Variants in SLC43A1 observed in about 807,000 individuals in gnomAD.
The protein encoded by SLC43A1 is large neutral amino acids transporter small subunit 3.
A neutral mutation model predicts 59.5 loss-of-function variants in SLC43A1; 31 were observed. That is an observed-to-expected ratio of 0.52 (90% CI 0.39 to 0.70). The LOEUF (loss-of-function observed/expected upper bound fraction) is 0.70. SLC43A1 is among the 30% of genes least tolerant of loss of function. The pLI, the probability that SLC43A1 is intolerant of heterozygous loss-of-function variation, is 0.00. For synonymous variants in SLC43A1, 259 were observed against 290.9 expected (o/e 0.89, Z 1.12); for missense variants, 598 against 717.8 (o/e 0.83, Z 1.91).
At position 57,513,985 on chromosome 11, in the gene SLC43A1, C is replaced by A; in HGVS notation, c.127G>T (p.Glu43Ter). ...WGSLLIILKNEGFYSSTCPAE... is the reference protein window; with the variant it reads ...WGSLLIILKN ...GGGCACGTGCTGGAATAGAAGCCCTCGTTCTTCAGAATGATCAACAGGGAG... is the reference window on the plus strand; with the variant it reads ...GGGCACGTGCTGGAATAGAAGCCCTAGTTCTTCAGAATGATCAACAGGGAG... The change falls in exon 2 of 15, where the codon GAG becomes TAG. Residue 43 changes from glutamate to a stop codon, truncating the protein, a stop_gained. Coordinates refer to ENST00000278426, the MANE Select transcript of SLC43A1 (RefSeq NM_003627.6). LOFTEE classifies it high-confidence loss of function. The A allele has an allele frequency of 6.3e-7, 1 of 1,599,252 alleles. No individual in the cohort carries two copies. Among genetic ancestry groups the A allele is most frequent in the Non-Finnish European group, 8.5e-7 (1 of 1,172,446 alleles).
chr11:57,515,410 C>T lies in SLC43A1; in HGVS notation c.-14+34G>A. The T allele has an allele frequency of 6.6e-6, 1 of 152,274 alleles. No homozygotes were observed. The highest frequency in any genetic ancestry group is 1.9e-4 in the East Asian group (1 of 5,178). The allele number at this position is 152,274 out of a possible 1,614,324, so 9.4% of individuals were successfully genotyped here. A position where few individuals can be genotyped will look rare whatever the true frequency, so the allele number is the denominator to read the frequency against. ...CTCAGCCGACGCATAGCCGGAGACCCTACGCGCGCCCCCTCCCCGCCCACG... is the reference window on the plus strand; with the variant it reads ...CTCAGCCGACGCATAGCCGGAGACCTTACGCGCGCCCCCTCCCCGCCCACG... On this transcript the variant is annotated intron_variant, in intron 1 of 14. Coordinates refer to ENST00000278426, the MANE Select transcript of SLC43A1 (RefSeq NM_003627.6). This position sits in a 1 kb window ranked among gnomAD's most constrained non-coding sequence, Gnocchi z 5.3.
chr11:57,489,056 G>A (rs1943824936), intron 12 of SLC43A1, 67 bp from the exon 13 acceptor site: 2 of 1,515,262 alleles, frequency 1.3e-6, no homozygotes, highest in South Asian at 1.1e-5. Flanking sequence ...GGAGGGGTAG[G>A]GCGAAGAGGC....
intron 8 of SLC43A1, among the ~76,000 whole-genome samples, chr11:57,492,857 T>C (rs1010724354): frequency 1.3e-5 from 2 of 149,472 alleles, no homozygotes; most frequent in African/African-American, 4.9e-5. Flanking sequence ...CTGGCCAACA[T>C]GGTGAAACCC....
At chr11:57,488,430 T>C (rs536172235) in intron 13 of SLC43A1, among the ~76,000 whole-genome samples, 5 of 152,340 alleles carry the variant, frequency 3.3e-5, no homozygotes, top group Admixed American at 3.3e-4. Context: ...GGATCCTGCC[T>C]GCTGCCTGCA....
intron 2 of SLC43A1, among the ~76,000 whole-genome samples, chr11:57,512,991 G>A (rs934785400): frequency 3.9e-5 from 6 of 152,110 alleles, no homozygotes; most frequent in African/African-American, 1.4e-4. Flanking sequence ...GAGTTGAAAC[G>A]AGAAGCCAGG....
At chr11:57,489,945 G>A (rs955974484) in intron 11 of SLC43A1, among the ~76,000 whole-genome samples, 2 of 152,186 alleles carry the variant, frequency 1.3e-5, no homozygotes, top group Non-Finnish European at 2.9e-5. Context: ...GCTGGGGTGA[G>A]GACAGGCGGC....
rs1590789535 is a variant in SLC43A1 at position 57,514,328 on chromosome 11, T to G, written c.-13-204A>C. 2 of 574,444 alleles carry G rather than the reference T, an allele frequency of 3.5e-6. No individual in the cohort carries two copies. The highest frequency in any genetic ancestry group is 6.0e-5 in the East Asian group (2 of 33,532). 35.6% of individuals were successfully genotyped at this position (574,444 alleles called of 1,614,324 possible). ...GCCAGAGGTGCACGCGGCACGGGGC[T>G]CCCGCTGAGCCACTATCGGAAACAA... On this transcript the variant is annotated intron_variant, in intron 1 of 14. Transcript: ENST00000278426. This position sits in a 1 kb window ranked among gnomAD's most constrained non-coding sequence, Gnocchi z 5.5.
At chr11:57,499,554 G>A (rs959581810) in intron 5 of SLC43A1, 4 of 152,238 alleles carry the variant, frequency 2.6e-5, no homozygotes, top group African/African-American at 7.2e-5. Context: ...GCCCAGTACC[G>A]TGGGTAAGGC....
At chr11:57,497,978 T>C in intron 5 of SLC43A1, 133 bp from the exon 6 acceptor site, 1 of 627,678 alleles carries the variant, frequency 1.6e-6, no homozygotes, top group South Asian at 2.2e-5. Context: ...GAAAAATCAA[T>C]GTGGGAAACT....
intron 7 of SLC43A1, among the ~76,000 whole-genome samples, chr11:57,495,777 C>A (rs1944063235): frequency 1.3e-5 from 2 of 151,926 alleles, no homozygotes; most frequent in Non-Finnish European, 2.9e-5. Flanking sequence ...TGAGCCAGGA[C>A]CAAGACACTA....
chr11:57,514,115 G>A lies in SLC43A1; in HGVS notation c.-4C>T, dbSNP rs1420619895. On this transcript the variant is annotated 5_prime_UTR_variant, in exon 2 of 15. Coordinates refer to ENST00000278426, the MANE Select transcript of SLC43A1 (RefSeq NM_003627.6). The surrounding 1 kb of genome is among the most constrained non-coding windows in gnomAD (Gnocchi z 5.5). ...CCTGTTGCAGCGTGGGGGCCATGCT[G>A]GCCCCGAGCCTGCACAGAAACAGAG... 6.3e-7 allele frequency: 1 copy of A among 1,581,628 alleles called. No individual in the cohort carries two copies. Among genetic ancestry groups the A allele is most frequent in the Non-Finnish European group, 8.6e-7 (1 of 1,165,298 alleles).
At chr11:57,510,032 T>C (rs1255493698) in intron 2 of SLC43A1, among the ~76,000 whole-genome samples, 4 of 152,142 alleles carry the variant, frequency 2.6e-5, no homozygotes, top group East Asian at 1.9e-4. Flanking sequence ...AGGACCTGAA[T>C]AGACCTTTCT....
At chr11:57,496,639 A>C (rs1944098099) in intron 6 of SLC43A1, among the ~76,000 whole-genome samples, 1 of 152,170 alleles carries the variant, frequency 6.6e-6, no homozygotes, top group Non-Finnish European at 1.5e-5. Context: ...GCTCATGCTC[A>C]GCCTTTTCTC....
At chr11:57,489,101 C>G (rs1289693747) in intron 12 of SLC43A1, 112 bp from the exon 13 acceptor site, 1 of 1,430,192 alleles carries the variant, frequency 7.0e-7, no homozygotes, top group Non-Finnish European at 9.8e-7. Context: ...CTCGCCAACC[C>G]AATCTACTAG....
rs374221803 is a variant in SLC43A1 at position 57,501,111 on chromosome 11, C to G, written c.332+41G>C. ...CCCCCCCTCCCCTCCCCCTGCAGCA[C>G]GGTCCCTGTCCTCCCGTTCCCCATA... On this transcript the variant is annotated intron_variant, in intron 3 of 14. Transcript: ENST00000278426. 53 of 1,612,088 alleles carry G rather than the reference C, an allele frequency of 3.3e-5. 1 individual carries two copies. In the South Asian group the frequency reaches 5.8e-4, roughly 18 times the overall value.
At chr11:57,491,159 G>A (rs980350318) in intron 11 of SLC43A1, 65 bp downstream of exon 11, 15 of 1,463,934 alleles carry the variant, frequency 1.0e-5, no homozygotes, top group Middle Eastern at 1.8e-4. Context: ...GGATGTAAAC[G>A]CACAGAGAAA....
At chr11:57,498,143 A>T (rs1242958760) in intron 5 of SLC43A1, among the ~76,000 whole-genome samples, 4 of 152,188 alleles carry the variant, frequency 2.6e-5, no homozygotes, top group African/African-American at 7.2e-5. Flanking sequence ...ATAGGTGCTT[A>T]AGAAACACTG....
At chr11:57,509,366 G>A (rs1944468301) in intron 2 of SLC43A1, among the ~76,000 whole-genome samples, 1 of 151,970 alleles carries the variant, frequency 6.6e-6, no homozygotes. Flanking sequence ...AAGGCGGGTG[G>A]ATCACGAGGT....
chr11:57,511,623 G>A (rs947290877), intron 2 of SLC43A1, among the ~76,000 whole-genome samples: 13 of 152,062 alleles, frequency 8.5e-5, no homozygotes, highest in African/African-American at 3.1e-4. Context: ...ATTCATAATA[G>A]CCAAAATGTG....
Sources: gnomAD v4.1 joint callset for allele counts (sites outside exome capture counted in the v4.1 genomes callset) on GRCh38, gnomAD v4.1.1 for gene constraint, Gnocchi (gnomAD v3.1) non-coding constraint, MANE v1.5 for transcripts, NCBI Gene and HGNC (gene_info 2026-07-23, HGNC 2026-07-21) for gene names.